Variants in MARK1 observed in about 807,000 individuals in gnomAD.
MARK1 encodes serine/threonine-protein kinase MARK1.
In MARK1, 40 loss-of-function variants were observed where a neutral mutation model predicts 96.3. The observed-to-expected ratio is 0.42, with a 90% CI of 0.32 to 0.54. The LOEUF (loss-of-function observed/expected upper bound fraction) is 0.54, where lower values mean the gene tolerates loss of function less well. Among genes scored for constraint, MARK1 ranks in the 20% least tolerant of loss-of-function variants. The pLI is 0.16. For missense variants in MARK1, 719 were observed against 984.6 expected, an observed-to-expected ratio of 0.73 and a Z score of 3.61; for synonymous variants, 317 against 341.2, an observed-to-expected ratio of 0.93 and a Z score of 0.78.
At chr1:220,634,253 C>G (rs1177194115) in intron 11 of MARK1, among the ~76,000 whole-genome samples, 1 of 152,134 alleles carries the variant, frequency 6.6e-6, no homozygotes, top group Non-Finnish European at 1.5e-5. Flanking sequence ...AAAAGAAGCA[C>G]TAATTTTATA....
intron 6 of MARK1, among the ~76,000 whole-genome samples, chr1:220,604,562 T>G (rs1030574121): frequency 6.6e-6 from 1 of 152,014 alleles, no homozygotes; most frequent in Non-Finnish European, 1.5e-5. Context: ...TGTTTTGGTG[T>G]TTAAACTCAT....
chr1:220,550,964 C>T (rs968950750), intron 1 of MARK1, among the ~76,000 whole-genome samples: 3 of 152,206 alleles, frequency 2.0e-5, no homozygotes, highest in Non-Finnish European at 4.4e-5. Context: ...GTTGCTGCTT[C>T]AGAGTCTGGT....
At chr1:220,600,968 C>T (rs1230286615) in intron 5 of MARK1, among the ~76,000 whole-genome samples, 2 of 151,554 alleles carry the variant, frequency 1.3e-5, no homozygotes, top group African/African-American at 4.8e-5. Context: ...TCTCGGTTCA[C>T]TGCAAGCTCC....
chr1:220,664,306 A>T lies in MARK1; in HGVS notation c.*2140A>T, dbSNP rs1366329708. 1 of 152,222 alleles carries T rather than the reference A, an allele frequency of 6.6e-6. No individual in the cohort carries two copies. The highest frequency in any genetic ancestry group is 1.5e-5 in the Non-Finnish European group (1 of 68,038). 9.4% of individuals were successfully genotyped at this position (152,222 alleles called of 1,614,324 possible). A position where few individuals can be genotyped will look rare whatever the true frequency, so the allele number is the denominator to read the frequency against. The stretch of plus-strand genomic sequence containing the variant: ...ATTTTATGTGTTCATGACAACATAA[A>T]TATTTTTCAAAGATTTAGAGGAATT... On this transcript the variant is annotated 3_prime_UTR_variant, in exon 18 of 18. Transcript: ENST00000366917.
chr1:220,542,848 A>G (rs760585529), intron 1 of MARK1, among the ~76,000 whole-genome samples: 13 of 152,196 alleles, frequency 8.5e-5, no homozygotes, highest in African/African-American at 2.4e-5. Flanking sequence ...AAATTCTGGA[A>G]TAAGTTTTTT....
At chr1:220,570,127 G>A (rs1663340865) in intron 1 of MARK1, among the ~76,000 whole-genome samples, 1 of 152,080 alleles carries the variant, frequency 6.6e-6, no homozygotes, top group South Asian at 2.1e-4. Context: ...TTGGAACAGT[G>A]CAGTGCTAGA....
chr1:220,542,623 A>G (rs992393972), intron 1 of MARK1, among the ~76,000 whole-genome samples: 4 of 152,196 alleles, frequency 2.6e-5, no homozygotes, highest in Non-Finnish European at 5.9e-5. Context: ...CTCACCCTGT[A>G]GTGAGTCCAA....
rs1401319356 is a variant in MARK1 at position 220,635,367 on chromosome 1, T to C, written c.1123-9T>C. ...TGCTTTAAAATCCCTGTGGTTTTTC[T>C]TCTTATAGTTTGAAGGTGGTGAATC... is the stretch of plus-strand genomic sequence containing the variant. On this transcript the variant is annotated splice_polypyrimidine_tract_variant and intron_variant, in intron 11 of 17. Transcript: ENST00000366917. 3.2e-6 allele frequency: 5 copies of C among 1,572,276 alleles called. No individual in the cohort carries two copies. The highest frequency in any genetic ancestry group is 2.1e-5 in the Admixed American group (1 of 46,614).
intron 3 of MARK1, among the ~76,000 whole-genome samples, chr1:220,583,238 G>A (rs1572123074): frequency 2.0e-5 from 3 of 152,190 alleles, no homozygotes; most frequent in Admixed American, 2.0e-4. Flanking sequence ...GAAGTGTTTG[G>A]GTAAATTTGT....
intron 6 of MARK1, among the ~76,000 whole-genome samples, chr1:220,612,677 G>A (rs1572175246): frequency 6.6e-6 from 1 of 151,944 alleles, no homozygotes. Flanking sequence ...TTTTTGAGGA[G>A]CTTACTTTTA....
intron 9 of MARK1, among the ~76,000 whole-genome samples, chr1:220,619,453 G>C (rs770973529): frequency 6.6e-6 from 1 of 152,178 alleles, no homozygotes; most frequent in Admixed American, 6.5e-5. Context: ...CAGCCTGGGC[G>C]ACAGAGCGAG....
At chr1:220,659,139 A>G (rs1480104674) in intron 17 of MARK1, among the ~76,000 whole-genome samples, 1 of 152,182 alleles carries the variant, frequency 6.6e-6, no homozygotes, top group Non-Finnish European at 1.5e-5. Flanking sequence ...ATGTTTACAC[A>G]ATACTTTTCA....
chr1:220,597,082 A>G (rs889538162), intron 3 of MARK1, among the ~76,000 whole-genome samples: 2 of 151,692 alleles, frequency 1.3e-5, no homozygotes, highest in African/African-American at 2.4e-5. Flanking sequence ...ATAATATTCC[A>G]TTGTTTGTAT....
At position 220,528,144 on chromosome 1, in the gene MARK1, G is replaced by A. The variant is rs1660030556; in HGVS notation, c.-679G>A. On this transcript the variant is annotated 5_prime_UTR_variant, in exon 1 of 18. Coordinates refer to ENST00000366917, the MANE Select transcript of MARK1 (RefSeq NM_018650.5). ...TCGGCTGGCGCCCGCCCACCCGGCG[G>A]CGGCCGCCAAGTGCCTCTGGGCGCT... The A allele has an allele frequency of 6.6e-6, 1 of 150,918 alleles. No homozygotes were observed. Among genetic ancestry groups the A allele is most frequent in the Non-Finnish European group, 1.5e-5 (1 of 67,542 alleles). The allele number at this position is 150,918 out of a possible 1,614,324, so 9.3% of individuals were successfully genotyped here.
rs549187131 is a variant in MARK1, at chr1:220,609,561, G to T, written c.495+5424G>T. 4.6e-5 allele frequency among the ~76,000 whole-genome samples: 7 copies of T among 152,274 alleles called. No individual in the cohort carries two copies. The South Asian group carries it at 1.5e-3, about 32-fold the overall frequency. ...GGCATTTAGCCCATTTACATTTCAG[G>T]TTAATATTGTTAGGTGTGAATTTGC... is the stretch of plus-strand genomic sequence containing the variant. On this transcript the variant is annotated intron_variant, in intron 6 of 17. Coordinates refer to ENST00000366917, the MANE Select transcript of MARK1 (RefSeq NM_018650.5).
intron 1 of MARK1, among the ~76,000 whole-genome samples, chr1:220,561,085 G>A (rs1029558717): frequency 2.6e-5 from 4 of 151,408 alleles, no homozygotes; most frequent in African/African-American, 4.8e-5. Context: ...TGGTTATACC[G>A]AAGGACCCTG....
At chr1:220,606,169 A>G (rs946861339) in intron 6 of MARK1, among the ~76,000 whole-genome samples, 1 of 152,180 alleles carries the variant, frequency 6.6e-6, no homozygotes, top group African/African-American at 2.4e-5. Context: ...CATCCTCTCC[A>G]GCATCTGTTG....
Position 220,599,855 on chromosome 1 carries a change from C to T in MARK1, c.416C>T (p.Ala139Val), listed in dbSNP as rs369087348. The change falls in exon 5 of 18, where the codon GCG (alanine) becomes GTG (valine). Residue 139 changes from alanine to valine, a missense_variant. Physicochemically the swap from Ala to Val is moderately conservative, Grantham distance 64. Coordinates refer to ENST00000366917, the MANE Select transcript of MARK1 (RefSeq NM_018650.5). ...ACTCTCTATTTAGTCATGGAATACG[C>T]GAGTGGGGGTAAGAATGAGGGTGAT... is the stretch of plus-strand genomic sequence containing the variant. ...EKTLYLVMEY[A>V]SGGEVFDYLV... The T allele has an allele frequency of 2.5e-6, 4 of 1,604,832 alleles. No homozygotes were observed. The highest frequency in any genetic ancestry group is 1.1e-5 in the South Asian group (1 of 89,810).
At chr1:220,613,033 A>T (rs1437722061) in intron 6 of MARK1, among the ~76,000 whole-genome samples, 1 of 152,180 alleles carries the variant, frequency 6.6e-6, no homozygotes, top group African/African-American at 2.4e-5. Flanking sequence ...GAAAACACTG[A>T]TGTGTGTGGT....
Sources: gnomAD v4.1 joint callset for allele counts (sites outside exome capture counted in the v4.1 genomes callset) on GRCh38, gnomAD v4.1.1 for gene constraint, MANE v1.5 for transcripts, NCBI Gene and HGNC (gene_info 2026-07-23, HGNC 2026-07-21) for gene names.